Variants in IL5RA observed in about 807,000 individuals in gnomAD.
IL5RA encodes the protein interleukin 5 receptor subunit alpha, also known as interleukin-5 receptor subunit alpha.
In IL5RA, 49 loss-of-function variants were observed where a neutral mutation model predicts 50.0. That is an observed-to-expected ratio of 0.98 (90% confidence interval 0.78 to 1.24). The LOEUF (loss-of-function observed/expected upper bound fraction) is 1.24. Ranked by LOEUF, IL5RA falls within the 50% of genes most tolerant of loss-of-function variation. The pLI, the probability that IL5RA is intolerant of heterozygous loss-of-function variation, is 0.00. For synonymous variants in IL5RA, 202 were observed against 174.0 expected, an observed-to-expected ratio of 1.16 and a Z score of -1.26; for missense variants, 600 against 500.4, an observed-to-expected ratio of 1.20 and a Z score of -1.90.
chr3:3,110,252 C>T lies in IL5RA; in HGVS notation c.-453G>A, dbSNP rs974182908. ...CATTATCTGATAACTGTCTTGTCTG[C>T]ATTTTCACTCTCTTTCAGAGTTGGT... is the stretch of plus-strand genomic sequence containing the variant. On this transcript the variant is annotated 5_prime_UTR_variant, in exon 1 of 12. It removes an upstream start codon present in the reference 5' UTR. Coordinates refer to ENST00000446632, the MANE Select transcript of IL5RA (RefSeq NM_175726.4). The T allele has an allele frequency of 4.6e-5, 7 of 152,220 alleles. No homozygotes were observed. Among genetic ancestry groups the T allele is most frequent in the Non-Finnish European group, 7.3e-5 (5 of 68,044 alleles). The allele number at this position is 152,220 out of a possible 1,614,324, so 9.4% of individuals were successfully genotyped here. A position where few individuals can be genotyped will look rare whatever the true frequency, so the allele number is the denominator to read the frequency against.
At chr3:3,082,436 ATTC>A (rs1389490135) in intron 9 of IL5RA, among the ~76,000 whole-genome samples, 1 of 152,226 alleles carries the variant, frequency 6.6e-6, no homozygotes, top group Non-Finnish European at 1.5e-5. Context: ...CACACAGCCT[ATTC>A]TTGTAAGGAG....
At chr3:3,082,425 T>C (rs1236504053) in intron 9 of IL5RA, among the ~76,000 whole-genome samples, 1 of 152,212 alleles carries the variant, frequency 6.6e-6, no homozygotes, top group Non-Finnish European at 1.5e-5. Context: ...AAAGAAGAAG[T>C]CACACAGCCT....
intron 4 of IL5RA, 118 bp downstream of exon 4, chr3:3,102,556 AT>A (rs1437502651): frequency 2.9e-6 from 2 of 683,218 alleles, no homozygotes; most frequent in African/African-American, 3.7e-5. Context: ...TACTGGTAAC[AT>A]AACATAGAGC....
At chr3:3,083,691 G>A (rs1198765365) in intron 9 of IL5RA, among the ~76,000 whole-genome samples, 2 of 152,226 alleles carry the variant, frequency 1.3e-5, no homozygotes, top group Non-Finnish European at 2.9e-5. Flanking sequence ...ACCTGCTAAA[G>A]CAGATGAAAG....
At chr3:3,078,556 A>G (rs113355121) in intron 9 of IL5RA, among the ~76,000 whole-genome samples, 1,591 of 152,314 alleles carry the variant, frequency 0.01, 23 homozygotes, top group African/African-American at 0.036. Flanking sequence ...AATAAGGGCT[A>G]GGTGCGGTGG....
At chr3:3,081,046 C>A (rs1216217265) in intron 9 of IL5RA, among the ~76,000 whole-genome samples, 1 of 151,966 alleles carries the variant, frequency 6.6e-6, no homozygotes, top group Non-Finnish European at 1.5e-5. Context: ...ATACTTATGT[C>A]TATTGTTTTA....
At position 3,092,434 on chromosome 3, in the gene IL5RA, A is replaced by G; in HGVS notation, c.856-72T>C. On this transcript the variant is annotated intron_variant, in intron 8 of 11. Coordinates refer to ENST00000446632, the MANE Select transcript of IL5RA (RefSeq NM_175726.4). The surrounding 1 kb of genome is among the most constrained non-coding windows in gnomAD (Gnocchi z 4.2). ...TAGTTCTGCCGATTATCAGAATGGG[A>G]GGTCCTATATAGGTCATGTGACTCA... is the stretch of plus-strand genomic sequence containing the variant. 2.8e-6 allele frequency: 4 copies of G among 1,422,822 alleles called. No individual in the cohort carries two copies. The highest frequency in any genetic ancestry group is 3.9e-6 in the Non-Finnish European group (4 of 1,025,224). 88.1% of individuals were successfully genotyped at this position (1,422,822 alleles called of 1,614,324 possible).
At chr3:3,095,655 C>A (rs906886307) in intron 7 of IL5RA, among the ~76,000 whole-genome samples, 11 of 151,934 alleles carry the variant, frequency 7.2e-5, no homozygotes, top group Non-Finnish European at 1.5e-4. Flanking sequence ...AAGAAGAGAC[C>A]CTTTCTGGAA....
At chr3:3,100,174 A>G (rs1703574727) in intron 5 of IL5RA, among the ~76,000 whole-genome samples, 1 of 121,912 alleles carries the variant, frequency 8.2e-6, no homozygotes, top group Non-Finnish European at 1.7e-5. Flanking sequence ...GACCGCATTC[A>G]AGTGGGAGCC....
Position 3,098,223 on chromosome 3 carries a change from A to T in IL5RA, c.435T>A (p.Arg145=). 1.2e-6 allele frequency: 2 copies of T among 1,614,074 alleles called. No individual in the cohort carries two copies. Among genetic ancestry groups the T allele is most frequent in the Non-Finnish European group, 1.7e-6 (2 of 1,179,926 alleles). ...TTNTTEDNYS[R]LRSYQVSLHC... ...GAAGGGAAACTTGGTATGACCTTAAACGTGAATAATTGTCTTCTGTAGTGT... is the reference window on the plus strand; with the variant it reads ...GAAGGGAAACTTGGTATGACCTTAATCGTGAATAATTGTCTTCTGTAGTGT... The change falls in exon 6 of 12, where the codon CGT becomes CGA. Residue 145 remains arginine, a synonymous_variant. Transcript: ENST00000446632.
chr3:3,091,313 G>C (rs1486871890), intron 9 of IL5RA, among the ~76,000 whole-genome samples: 2 of 152,198 alleles, frequency 1.3e-5, no homozygotes, highest in African/African-American at 4.8e-5. Flanking sequence ...AGAGGAGAGA[G>C]AGATGGGTGT....
rs1559856794 is a variant in IL5RA, at chr3:3,068,614, A to AAAAAAAAG, written c.*1610_*1611insCTTTTTTT. On this transcript the variant is annotated 3_prime_UTR_variant, in exon 12 of 12. Coordinates refer to ENST00000446632, the MANE Select transcript of IL5RA (RefSeq NM_175726.4). ...AAAAAAAAAAAAAAAAAAAACAAAA[A>AAAAAAAAG]CAGGTTTGAGATTATGAATCATTTG... 2 of 135,682 alleles carry AAAAAAAAG rather than the reference A, an allele frequency of 1.5e-5. No individual in the cohort carries two copies. The highest frequency in any genetic ancestry group is 5.4e-5 in the African/African-American group (2 of 37,110). The allele number at this position is 135,682 out of a possible 1,614,324, so 8.4% of individuals were successfully genotyped here.
At chr3:3,087,273 A>G (rs1044212431) in intron 9 of IL5RA, among the ~76,000 whole-genome samples, 1 of 152,200 alleles carries the variant, frequency 6.6e-6, no homozygotes, top group Non-Finnish European at 1.5e-5. Context: ...CTAGGACAGG[A>G]GAGCCAATCA....
At chr3:3,102,479 G>A (rs930675726) in intron 4 of IL5RA, among the ~76,000 whole-genome samples, 196 bp downstream of exon 4, 1 of 152,180 alleles carries the variant, frequency 6.6e-6, no homozygotes, top group African/African-American at 2.4e-5. Flanking sequence ...AATATTCTGT[G>A]ATGCTGTTTA....
At chr3:3,076,054 G>A (rs966998879) in intron 10 of IL5RA, among the ~76,000 whole-genome samples, 3 of 152,118 alleles carry the variant, frequency 2.0e-5, no homozygotes, top group Non-Finnish European at 2.9e-5. Flanking sequence ...ATCCACATGC[G>A]ATTTCTAGAA....
intron 9 of IL5RA, among the ~76,000 whole-genome samples, chr3:3,083,015 G>T (rs1201300286): frequency 1.3e-5 from 2 of 152,216 alleles, no homozygotes; most frequent in East Asian, 1.9e-4. Context: ...GAGCCAGCAG[G>T]TGCTGGGAGA....
intron 5 of IL5RA, among the ~76,000 whole-genome samples, chr3:3,098,833 G>A (rs17881642): frequency 0.059 from 8,995 of 152,230 alleles, 684 homozygotes; most frequent in South Asian, 0.29. Context: ...GGGCCTGGGG[G>A]TGGTGTTTGT....
Position 3,102,737 on chromosome 3 carries a change from G to C in IL5RA, c.166C>G (p.Gln56Glu). The C allele has an allele frequency of 6.2e-7, 1 of 1,609,274 alleles. No homozygotes were observed. The highest frequency in any genetic ancestry group is 8.5e-7 in the Non-Finnish European group (1 of 1,176,396). The change falls in exon 4 of 12, where the codon CAA becomes GAA. Residue 56 changes from glutamine (Q) to glutamate (E), a missense_variant. Transcript: ENST00000446632. ...VLLQWKPNPD[Q>E]EQRNVNLEYQ... ...TCTAGATTAACATTCCTTTGCTCTTGATCAGGATTTGGTTTCCATTGTAAA... is the reference window on the plus strand; with the variant it reads ...TCTAGATTAACATTCCTTTGCTCTTCATCAGGATTTGGTTTCCATTGTAAA...
chr3:3,070,109 G>A lies in IL5RA; in HGVS notation c.*116C>T. 2.9e-6 allele frequency: 2 copies of A among 689,166 alleles called. No individual in the cohort carries two copies. The highest frequency in any genetic ancestry group is 5.2e-6 in the Non-Finnish European group (2 of 386,666). 42.7% of individuals were successfully genotyped at this position (689,166 alleles called of 1,614,324 possible). A position where few individuals can be genotyped will look rare whatever the true frequency, so the allele number is the denominator to read the frequency against. Reference sequence around the variant, plus strand: ...TGTGTCTGGGTGTATTGCTTCGCAGGTAAATTGAGTGTTGCCTAAATTCTG... The same window carrying A: ...TGTGTCTGGGTGTATTGCTTCGCAGATAAATTGAGTGTTGCCTAAATTCTG... On this transcript the variant is annotated 3_prime_UTR_variant, in exon 12 of 12. Coordinates refer to ENST00000446632, the MANE Select transcript of IL5RA (RefSeq NM_175726.4).
Sources: allele counts gnomAD v4.1 joint callset (sites outside exome capture counted in the v4.1 genomes callset), GRCh38; gene constraint gnomAD v4.1.1; non-coding constraint Gnocchi (gnomAD v3.1); transcripts MANE v1.5; gene names NCBI Gene and HGNC (gene_info 2026-07-23, HGNC 2026-07-21).